The following RGMA variants were observed in gnomAD, a reference collection of about 807,000 sequenced individuals.
The protein encoded by RGMA is repulsive guidance molecule A.
Under a neutral mutation model 23.2 loss-of-function variants are expected in RGMA, and 10 were observed. The ratio of observed to expected loss-of-function variants is 0.43; its 90% CI spans 0.27 to 0.73. The LOEUF is 0.73. Among genes scored for constraint, RGMA ranks in the 30% least tolerant of loss-of-function variants. The probability of loss-of-function intolerance (pLI) is 0.20; values close to 1 mark genes in which losing one functional copy is unlikely to be tolerated. For missense variants in RGMA, 547 were observed against 630.5 expected (o/e 0.87, Z 1.42); for synonymous variants, 308 against 279.3 (o/e 1.10, Z -1.03).
chr15:93,045,172 G>A lies in RGMA; in HGVS notation c.1179C>T (p.Ala393=), dbSNP rs370807777. The change falls in exon 4 of 4, where the codon GCC becomes GCT. Residue 393 remains alanine, a synonymous_variant. Transcript: ENST00000329082. This position sits in a 1 kb window ranked among gnomAD's most constrained non-coding sequence, Gnocchi z 6.9. Reference sequence around the variant, plus strand: ...TGACATCCTCCAACGCGTAGTAGGCGGCCAGTGTGAAGTTCACGTCGCCCG... The same window carrying A: ...TGACATCCTCCAACGCGTAGTAGGCAGCCAGTGTGAAGTTCACGTCGCCCG... ...LTTGDVNFTL[A]AYYALEDVKM... 3.2e-5 allele frequency: 52 copies of A among 1,608,374 alleles called. No individual in the cohort carries two copies. The highest frequency in any genetic ancestry group is 4.2e-5 in the Non-Finnish European group (49 of 1,177,440).
At chr15:93,058,300 G>A (rs965098709) in intron 2 of RGMA, among the ~76,000 whole-genome samples, 1 of 152,208 alleles carries the variant, frequency 6.6e-6, no homozygotes, top group African/African-American at 2.4e-5. Flanking sequence ...GCAGAGCATC[G>A]AGATCAACTC....
At chr15:93,076,976 T>C (rs758676263) in intron 1 of RGMA, among the ~76,000 whole-genome samples, 7 of 152,188 alleles carry the variant, frequency 4.6e-5, no homozygotes, top group Non-Finnish European at 1.0e-4. Flanking sequence ...CCAGCCCAGC[T>C]TGGGGTGCAG....
In RGMA at chr15:93,043,955, T is replaced by C; in HGVS notation, c.*1043A>G. ...GCGGGAGCCAGCGGCAAGTCTCTCC[T>C]GGCTGTGTGGCCACAGGGCTTAAGG... On this transcript the variant is annotated 3_prime_UTR_variant, in exon 4 of 4. Coordinates refer to ENST00000329082, the MANE Select transcript of RGMA (RefSeq NM_020211.3). 1 of 152,784 alleles carries C rather than the reference T, an allele frequency of 6.5e-6. No homozygotes were observed. Among genetic ancestry groups the C allele is most frequent in the Non-Finnish European group, 1.5e-5 (1 of 68,414 alleles). The allele number at this position is 152,784 out of a possible 1,614,324, so 9.5% of individuals were successfully genotyped here. A position where few individuals can be genotyped will look rare whatever the true frequency, so the allele number is the denominator to read the frequency against.
At position 93,036,285 on chromosome 15, in the gene RGMA, G is replaced by C. The variant is rs138588669; in HGVS notation, c.*8713C>G. ...CCAGACTACGACCAGCCACATCGGG[G>C]GTGGCCTACAAATGTTTGTGCCAGG... On this transcript the variant is annotated 3_prime_UTR_variant, in exon 4 of 4. Coordinates refer to ENST00000329082, the MANE Select transcript of RGMA (RefSeq NM_020211.3). 6.6e-6 allele frequency: 1 copy of C among 152,390 alleles called. No individual in the cohort carries two copies. The highest frequency in any genetic ancestry group is 2.1e-4 in the South Asian group (1 of 4,824). The allele number at this position is 152,390 out of a possible 1,614,324, so 9.4% of individuals were successfully genotyped here.
Position 93,040,065 on chromosome 15 carries a change from CG to C in RGMA, c.*4932del, listed in dbSNP as rs2054706405. 6.6e-6 allele frequency: 1 copy of C among 152,134 alleles called. No individual in the cohort carries two copies. The highest frequency in any genetic ancestry group is 2.4e-5 in the African/African-American group (1 of 41,412). 9.4% of individuals were successfully genotyped at this position (152,134 alleles called of 1,614,324 possible). Reference sequence around the variant, plus strand: ...TCTCCAAAAAAATTTAACAATTAGCCGGGTGTGACGGCAGGCACCTGTAATC... The same window carrying C: ...TCTCCAAAAAAATTTAACAATTAGCCGGTGTGACGGCAGGCACCTGTAATC... On this transcript the variant is annotated 3_prime_UTR_variant, in exon 4 of 4. Coordinates refer to ENST00000329082, the MANE Select transcript of RGMA (RefSeq NM_020211.3).
chr15:93,065,826 G>T lies in RGMA; in HGVS notation c.130+7090C>A, dbSNP rs182835525. ...GGCCAGAATTGAGGTAGGGGAACCC[G>T]CTCACCTCCCTGCTGTTGCTGCCCC... is the stretch of plus-strand genomic sequence containing the variant. On this transcript the variant is annotated intron_variant, in intron 2 of 3. Coordinates refer to ENST00000329082, the MANE Select transcript of RGMA (RefSeq NM_020211.3). The T allele has an allele frequency of 8.1e-4, 645 of 796,742 alleles. 6 individuals are homozygous for T. In the East Asian group the frequency reaches 0.016, roughly 20 times the overall value. The allele number at this position is 796,742 out of a possible 1,614,324, so 49.4% of individuals were successfully genotyped here.
chr15:93,059,337 A>G (rs1222171879), intron 2 of RGMA, among the ~76,000 whole-genome samples: 1 of 152,174 alleles, frequency 6.6e-6, no homozygotes, highest in African/African-American at 2.4e-5. Flanking sequence ...TGCGGAGCCC[A>G]CCAGGAGCAG....
At chr15:93,068,271 C>T (rs1483403035) in intron 2 of RGMA, among the ~76,000 whole-genome samples, 2 of 151,370 alleles carry the variant, frequency 1.3e-5, no homozygotes, top group African/African-American at 4.9e-5. Flanking sequence ...TGGCCCCTAA[C>T]TGCTACTCAA....
chr15:93,076,958 A>AG (rs1057253183), intron 1 of RGMA, among the ~76,000 whole-genome samples: 1 of 152,216 alleles, frequency 6.6e-6, no homozygotes, highest in South Asian at 2.1e-4. Flanking sequence ...CACAGGCGCC[A>AG]GGGGGCTCCA....
intron 2 of RGMA, among the ~76,000 whole-genome samples, chr15:93,064,169 G>T (rs907476784): frequency 3.8e-5 from 3 of 79,216 alleles, no homozygotes; most frequent in Non-Finnish European, 6.0e-5. Context: ...CAGCTTCAGT[G>T]GGGGGGCTGA....
In RGMA at chr15:93,064,668, C is replaced by T. The variant is rs994730176; in HGVS notation, c.130+8248G>A. Among the ~76,000 whole-genome samples the T allele has an allele frequency of 1.2e-4, 18 of 152,334 alleles. No individual in the cohort carries two copies. The South Asian group carries it at 2.9e-3, about 25-fold the overall frequency. On this transcript the variant is annotated intron_variant, in intron 2 of 3. Transcript: ENST00000329082. ...CTAGGTGCGGAGGCATCACTGTAATCGGGTATTCTGCCGGCTGGAGTGAAA... is the reference window on the plus strand; with the variant it reads ...CTAGGTGCGGAGGCATCACTGTAATTGGGTATTCTGCCGGCTGGAGTGAAA...
intron 2 of RGMA, among the ~76,000 whole-genome samples, chr15:93,056,687 G>A (rs557969626): frequency 3.3e-5 from 5 of 152,314 alleles, no homozygotes; most frequent in Admixed American, 6.5e-5. Context: ...AGCTCTGGGT[G>A]GGCTGAGGGC....
At chr15:93,077,759 G>A (rs1895495769) in intron 1 of RGMA, among the ~76,000 whole-genome samples, 1 of 152,244 alleles carries the variant, frequency 6.6e-6, no homozygotes, top group South Asian at 2.1e-4. Context: ...GGAGGCTGGA[G>A]CGCAATGGTG....
At position 93,045,079 on chromosome 15, in the gene RGMA, C is replaced by T. The variant is rs62021480; in HGVS notation, c.1272G>A (p.Ala424=). The change falls in exon 4 of 4, where the codon GCG becomes GCA. Residue 424 remains alanine (A), a synonymous_variant. Transcript: ENST00000329082. The surrounding 1 kb of genome is among the most constrained non-coding windows in gnomAD (Gnocchi z 6.9). The part of the protein sequence containing the change: ...YERTRDLPGR[A]AAGLPLAPRP... ...GGGGGGCCAGGGGCAGCCCCGCAGC[C>T]GCCCTGCCTGGCAGGTCCCGAGTCC... 1.1e-5 allele frequency: 17 copies of T among 1,574,274 alleles called. No homozygotes were observed. The highest frequency in any genetic ancestry group is 4.1e-5 in the African/African-American group (3 of 73,994).
At chr15:93,061,893 G>T (rs371792228) in intron 2 of RGMA, among the ~76,000 whole-genome samples, 1 of 152,184 alleles carries the variant, frequency 6.6e-6, no homozygotes, top group Non-Finnish European at 1.5e-5. Context: ...TGCAGTGCAC[G>T]AGGGGGTGTG....
At position 93,083,217 on chromosome 15, in the gene RGMA, A is replaced by G. The variant is rs1021659435; in HGVS notation, c.14+5702T>C. Among the ~76,000 whole-genome samples the G allele has an allele frequency of 2.6e-5, 4 of 152,388 alleles. No individual in the cohort carries two copies. In the East Asian group the frequency reaches 7.7e-4, roughly 29 times the overall value. On this transcript the variant is annotated intron_variant, in intron 1 of 3. Coordinates refer to ENST00000329082, the MANE Select transcript of RGMA (RefSeq NM_020211.3). ...ATCAGAGAAAAATAACAGCAATGTA[A>G]AACTCTCATAGCATGGAAGAAGGTG...
chr15:93,046,183 G>A (rs2054821721), intron 3 of RGMA, among the ~76,000 whole-genome samples: 2 of 152,150 alleles, frequency 1.3e-5, no homozygotes, highest in African/African-American at 4.8e-5. Flanking sequence ...TGGATTACCT[G>A]GGTGGGCCCT....
chr15:93,067,381 TGGGTGTGCTTG>T (rs1895192066), intron 2 of RGMA, among the ~76,000 whole-genome samples: 2 of 152,114 alleles, frequency 1.3e-5, no homozygotes, highest in East Asian at 3.9e-4. Flanking sequence ...CAGGACTATG[TGGGTGTGCTTG>T]GGGTGGGTGG....
Position 93,052,503 on chromosome 15 carries a change from G to A in RGMA, c.135C>T (p.Thr45=). Residue 45 remains threonine (T), a synonymous_variant, in exon 3 of 4, where the codon ACC becomes ACT. Coordinates refer to ENST00000329082, the MANE Select transcript of RGMA (RefSeq NM_020211.3). ...AFLLCSFPAA[T]SPCKILKCNS... is the part of the protein sequence containing the mutation. The stretch of plus-strand genomic sequence containing the variant: ...TGCACTTGAGGATCTTGCACGGGGA[G>A]GTGGCTGAGGAGAAAGGAACGAACA... The A allele has an allele frequency of 2.6e-6, 4 of 1,567,426 alleles. No homozygotes were observed. The highest frequency in any genetic ancestry group is 3.5e-6 in the Non-Finnish European group (4 of 1,156,472).
Sources: gnomAD v4.1 joint callset for allele counts (sites outside exome capture counted in the v4.1 genomes callset) on GRCh38, gnomAD v4.1.1 for gene constraint, Gnocchi (gnomAD v3.1) non-coding constraint, MANE v1.5 for transcripts, NCBI Gene and HGNC (gene_info 2026-07-23, HGNC 2026-07-21) for gene names.